SPATA22: variants seen among roughly 807,000 people sequenced by gnomAD.
The protein encoded by SPATA22 is spermatogenesis-associated protein 22.
Under a neutral mutation model 47.8 loss-of-function variants are expected in SPATA22, and 29 were observed. The ratio of observed to expected loss-of-function variants is 0.61; its 90% CI spans 0.45 to 0.83. SPATA22 has a LOEUF of 0.83. Among genes scored for constraint, SPATA22 ranks in the 40% least tolerant of loss-of-function variants. The pLI, the probability that SPATA22 is intolerant of heterozygous loss-of-function variation, is 0.00. For missense variants in SPATA22, 410 were observed against 421.7 expected (o/e 0.97, Z 0.24); for synonymous variants, 133 against 140.9 (o/e 0.94, Z 0.40).
chr17:3,497,498 G>A (rs936326993), intron 1 of SPATA22, among the ~76,000 whole-genome samples: 1 of 152,154 alleles, frequency 6.6e-6, no homozygotes, highest in Non-Finnish European at 1.5e-5. Flanking sequence ...ACACAAAAAT[G>A]AGCGAATTTC....
At chr17:3,473,662 G>T (rs1271055847), upstream of SPATA22, among the ~76,000 whole-genome samples, 1 of 151,986 alleles carries the variant, frequency 6.6e-6, no homozygotes, top group Admixed American at 6.6e-5. Context: ...CCACGCCCAG[G>T]TAATTTTGTA....
At chr17:3,507,953 C>G (rs1197424883) in intron 1 of SPATA22, among the ~76,000 whole-genome samples, 2 of 152,178 alleles carry the variant, frequency 1.3e-5, no homozygotes, top group Non-Finnish European at 2.9e-5. Context: ...ATGGCACATT[C>G]CTAGGTTTTG....
chr17:3,501,856 G>C (rs568934226), intron 1 of SPATA22: 6 of 152,384 alleles, frequency 3.9e-5, no homozygotes, highest in African/African-American at 1.4e-4. Context: ...GGGAGGCTGA[G>C]GCAGAAGGAT....
upstream of SPATA22, chr17:3,476,314 T>C: frequency 5.0e-6 from 8 of 1,614,194 alleles, no homozygotes; most frequent in Non-Finnish European, 6.8e-6. Flanking sequence ...AAACCATTTA[T>C]TACTAACCCC....
intron 1 of SPATA22, among the ~76,000 whole-genome samples, chr17:3,504,699 A>T (rs2074025379): frequency 6.6e-6 from 1 of 152,004 alleles, no homozygotes; most frequent in African/African-American, 2.4e-5. Context: ...CTGGGATTAT[A>T]GGCATGCGCC....
At chr17:3,509,413 G>GT (rs995233278) in intron 1 of SPATA22, among the ~76,000 whole-genome samples, 1 of 152,158 alleles carries the variant, frequency 6.6e-6, no homozygotes, top group Non-Finnish European at 1.5e-5. Context: ...AGAACATGTG[G>GT]TGTTTGGTTT....
chr17:3,447,228 T>G (rs2072747360), intron 6 of SPATA22, among the ~76,000 whole-genome samples: 1 of 151,974 alleles, frequency 6.6e-6, no homozygotes, highest in Non-Finnish European at 1.5e-5. Context: ...ATGAGGACAG[T>G]GGGAACAGCA....
chr17:3,481,513 G>A (rs1187771794), intron 1 of SPATA22: 40 of 1,214,880 alleles, frequency 3.3e-5, no homozygotes, highest in South Asian at 1.1e-4. Context: ...AAGATTTGGC[G>A]ACTGGTTCTT....
chr17:3,449,163 A>AAT lies in SPATA22; in HGVS notation c.330-15_330-14insAT. The AAT allele has an allele frequency of 6.7e-7, 1 of 1,502,708 alleles. No individual in the cohort carries two copies. Among genetic ancestry groups the AAT allele is most frequent in the East Asian group, 2.3e-5 (1 of 43,496 alleles). The allele number at this position is 1,502,708 out of a possible 1,614,324, so 93.1% of individuals were successfully genotyped here. On this transcript the variant is annotated splice_polypyrimidine_tract_variant and intron_variant, in intron 5 of 8. Transcript: ENST00000572969. Reference sequence around the variant, plus strand: ...CCATCTCTGTAGCTGTAATAGTGCAAAAAAAAAGCATTTGTTTCTATATGG... The same window carrying AAT: ...CCATCTCTGTAGCTGTAATAGTGCAAATAAAAAAAGCATTTGTTTCTATATGG...
chr17:3,495,734 A>G (rs8065488), intron 1 of SPATA22, among the ~76,000 whole-genome samples: 67,423 of 151,922 alleles, frequency 0.44, 16,612 homozygotes, highest in Non-Finnish European at 0.56. Context: ...ACACCCGGCT[A>G]ACTTTTGTAT....
At chr17:3,475,664 C>G (rs926842807), upstream of SPATA22, 1 of 173,670 alleles carries the variant, frequency 5.8e-6, no homozygotes, top group Non-Finnish European at 1.2e-5. Context: ...ATGAAAAGTG[C>G]TTGAACTCAT....
At chr17:3,484,833 A>C (rs1175834006) in intron 1 of SPATA22, among the ~76,000 whole-genome samples, 1 of 152,160 alleles carries the variant, frequency 6.6e-6, no homozygotes, top group Non-Finnish European at 1.5e-5. Context: ...AATATCATAT[A>C]CAAGGGCCCC....
intron 1 of SPATA22, chr17:3,503,200 C>T (rs2074010313): frequency 6.6e-6 from 1 of 151,938 alleles, no homozygotes; most frequent in Non-Finnish European, 1.5e-5. Flanking sequence ...CTAACATTAT[C>T]TGGAATGAAT....
intron 1 of SPATA22, chr17:3,498,916 C>A: frequency 6.2e-7 from 1 of 1,605,264 alleles, no homozygotes; most frequent in Non-Finnish European, 8.5e-7. Flanking sequence ...CCACTGCATC[C>A]TGGGGATCCC....
At chr17:3,491,726 T>C (rs1450930252) in intron 1 of SPATA22, among the ~76,000 whole-genome samples, 6 of 151,722 alleles carry the variant, frequency 4.0e-5, no homozygotes, top group Admixed American at 1.3e-4. Flanking sequence ...CCAGCCTCGG[T>C]GACAGAGTGA....
At chr17:3,493,334 G>A (rs368782564) in intron 1 of SPATA22, among the ~76,000 whole-genome samples, 11 of 152,060 alleles carry the variant, frequency 7.2e-5, no homozygotes, top group African/African-American at 2.2e-4. Flanking sequence ...AGGCTGAGGC[G>A]GGCGGATCAC....
chr17:3,473,431 C>G (rs1294061636), upstream of SPATA22, among the ~76,000 whole-genome samples: 1 of 152,202 alleles, frequency 6.6e-6, no homozygotes, highest in Non-Finnish European at 1.5e-5. Flanking sequence ...TTGTCTCCTA[C>G]AAAATTTCTG....
chr17:3,497,976 A>G (rs2073936236), intron 1 of SPATA22, among the ~76,000 whole-genome samples: 1 of 152,178 alleles, frequency 6.6e-6, no homozygotes. Flanking sequence ...GAGGGCTCAA[A>G]GGTCCAAATC....
At chr17:3,468,547 T>C (rs4790494) in intron 2 of SPATA22, among the ~76,000 whole-genome samples, 64,944 of 152,044 alleles carry the variant, frequency 0.43, 14,068 homozygotes, top group East Asian at 0.57. Flanking sequence ...TGAATTACAA[T>C]TTCAGAGTAT....
Sources: allele counts gnomAD v4.1 joint callset (sites outside exome capture counted in the v4.1 genomes callset), GRCh38; gene constraint gnomAD v4.1.1; transcripts MANE v1.5; gene names NCBI Gene and HGNC (gene_info 2026-07-23, HGNC 2026-07-21).